Variants in RIMBP2 observed in about 807,000 individuals in gnomAD.
RIMBP2 encodes RIMS binding protein 2.
In RIMBP2, 48 loss-of-function variants were observed where a neutral mutation model predicts 118.6. The observed-to-expected ratio is 0.40, with a 90% CI of 0.32 to 0.51. RIMBP2 has a LOEUF of 0.51. RIMBP2 is among the 20% of genes least tolerant of loss of function. RIMBP2 has a pLI of 0.41. For missense variants in RIMBP2, 1,551 were observed against 1,768.3 expected, an observed-to-expected ratio of 0.88 and a Z score of 2.20; for synonymous variants, 762 against 742.9, an observed-to-expected ratio of 1.03 and a Z score of -0.42.
Position 130,587,837 on chromosome 12 carries a change from A to T in RIMBP2, c.-217+40485T>A, listed in dbSNP as rs868431797. ...TAAAACTTAAAGTATAATAAAAAAA[A>T]AAAAAGAAAAAAAAAAGAAGAGATG... On this transcript the variant is annotated intron_variant, in intron 2 of 22. Transcript: ENST00000690449. 3.9e-3 allele frequency among the ~76,000 whole-genome samples: 581 copies of T among 150,740 alleles called. 6 individuals carry two copies. The highest frequency in any genetic ancestry group is 0.013 in the African/African-American group (548 of 40,964).
rs1445379075 is a variant in RIMBP2, at chr12:130,544,663, G to C, written c.-216-26746C>G. 3.6e-5 allele frequency among the ~76,000 whole-genome samples: 5 copies of C among 138,288 alleles called. No individual in the cohort carries two copies. The East Asian group carries it at 1.1e-3, about 30-fold the overall frequency. 90.7% of individuals were successfully genotyped at this position (138,288 alleles called of 152,430 possible). ...TGCTCAGGCTGGAGTGCAGTGGCGT[G>C]ATTTCAGCTCACTGCAACCTTTGTC... On this transcript the variant is annotated intron_variant, in intron 2 of 22. Coordinates refer to ENST00000690449, the MANE Select transcript of RIMBP2 (RefSeq NM_001393629.1).
At chr12:130,445,375 G>T in intron 9 of RIMBP2, 106 bp from the exon 10 acceptor site, 1 of 703,454 alleles carries the variant, frequency 1.4e-6, no homozygotes, top group East Asian at 2.7e-5. Flanking sequence ...CCCACTCCTA[G>T]GGAATTACAA....
chr12:130,482,857 A>G (rs1275755429), intron 4 of RIMBP2, among the ~76,000 whole-genome samples: 41 of 118,624 alleles, frequency 3.5e-4, no homozygotes, highest in African/African-American at 4.9e-4. Context: ...ACCTCATCCA[A>G]ATACACCCAT....
At chr12:130,536,824 G>GTC (rs2054128089) in intron 2 of RIMBP2, among the ~76,000 whole-genome samples, 1 of 152,210 alleles carries the variant, frequency 6.6e-6, no homozygotes, top group South Asian at 2.1e-4. Flanking sequence ...TTCACCAGGT[G>GTC]ACCGTGGTTG....
chr12:130,567,743 A>G (rs1026541825), intron 2 of RIMBP2, among the ~76,000 whole-genome samples: 1 of 152,140 alleles, frequency 6.6e-6, no homozygotes, highest in African/African-American at 2.4e-5. Flanking sequence ...CCCTGCCTCT[A>G]AGTCTTAATC....
intron 1 of RIMBP2, among the ~76,000 whole-genome samples, chr12:130,713,694 G>A (rs1950128345): frequency 6.6e-6 from 1 of 152,194 alleles, no homozygotes; most frequent in Non-Finnish European, 1.5e-5. Context: ...CAGCCGGCAA[G>A]TCTCCGCCCA....
At chr12:130,488,310 T>G in intron 4 of RIMBP2, among the ~76,000 whole-genome samples, 1 of 91,730 alleles carries the variant, frequency 1.1e-5, no homozygotes, top group Non-Finnish European at 2.2e-5. Context: ...GAGGGTAGAG[T>G]GAAGTGGATG....
intron 6 of RIMBP2, among the ~76,000 whole-genome samples, chr12:130,462,767 G>A (rs1217160289): frequency 1.3e-5 from 2 of 152,220 alleles, no homozygotes; most frequent in Admixed American, 1.3e-4. Flanking sequence ...GCACCACGTG[G>A]AGCTCACAGA....
At chr12:130,701,519 G>A (rs1015144768) in intron 1 of RIMBP2, among the ~76,000 whole-genome samples, 9 of 152,086 alleles carry the variant, frequency 5.9e-5, no homozygotes, top group African/African-American at 9.7e-5. Context: ...CAGGGGAGCC[G>A]GGCACAGGAA....
intron 2 of RIMBP2, among the ~76,000 whole-genome samples, chr12:130,560,389 G>C (rs2056723907): frequency 6.6e-6 from 1 of 152,128 alleles, no homozygotes; most frequent in Non-Finnish European, 1.5e-5. Context: ...ATTCTTTGCT[G>C]TGGGGCTGTC....
Position 130,424,146 on chromosome 12 carries a change from G to C in RIMBP2, c.3125C>G (p.Pro1042Arg). ...AAGGAAGTTTAGGTCACACACCAGG[G>C]GGCCTTGTGCGACTCTGGGAGGTGG... ...AKPPPRVAQG[P>R]LILGNPASAG... Residue 1042 changes from proline (P) to arginine (R), a missense_variant, in exon 16 of 23, where the codon CCC becomes CGC. Physicochemically the swap from Pro to Arg is moderately radical, Grantham distance 103. Around this residue, in one of 5 missense-constraint regions of RIMBP2, gnomAD observed 1,038 missense variants for 1,125.1 expected, o/e 0.92. Coordinates refer to ENST00000690449, the MANE Select transcript of RIMBP2 (RefSeq NM_001393629.1). This position sits in a 1 kb window ranked among gnomAD's most constrained non-coding sequence, Gnocchi z 9.8. The C allele has an allele frequency of 8.1e-7, 1 of 1,229,318 alleles. No individual in the cohort carries two copies. The highest frequency in any genetic ancestry group is 1.0e-6 in the Non-Finnish European group (1 of 985,400). The allele number at this position is 1,229,318 out of a possible 1,614,324, so 76.2% of individuals were successfully genotyped here.
chr12:130,516,826 C>T (rs2051514465), intron 3 of RIMBP2, among the ~76,000 whole-genome samples: 1 of 152,080 alleles, frequency 6.6e-6, no homozygotes, highest in African/African-American at 2.4e-5. Context: ...ATTGCATGAT[C>T]CAGAGGGCAT....
In RIMBP2 at chr12:130,581,117, G is replaced by A. The variant is rs1230404834; in HGVS notation, c.-217+47205C>T. On this transcript the variant is annotated intron_variant, in intron 2 of 22. Coordinates refer to ENST00000690449, the MANE Select transcript of RIMBP2 (RefSeq NM_001393629.1). The surrounding 1 kb of genome is among the most constrained non-coding windows in gnomAD (Gnocchi z 4.4). ...CTCATATTCATGGGCCAGGCACTGGGGGTGATGGTTTCCAAGACAGGCAGG... is the reference window on the plus strand; with the variant it reads ...CTCATATTCATGGGCCAGGCACTGGAGGTGATGGTTTCCAAGACAGGCAGG... Among the ~76,000 whole-genome samples the A allele has an allele frequency of 6.6e-6, 1 of 152,166 alleles. No homozygotes were observed.
At chr12:130,562,821 T>TA (rs2056921438) in intron 2 of RIMBP2, among the ~76,000 whole-genome samples, 1 of 152,236 alleles carries the variant, frequency 6.6e-6, no homozygotes, top group African/African-American at 2.4e-5. Flanking sequence ...CTCAATTCTG[T>TA]AAGAGTGGTC....
intron 11 of RIMBP2, among the ~76,000 whole-genome samples, chr12:130,440,186 G>T (rs1296913005): frequency 7.6e-6 from 1 of 132,100 alleles, no homozygotes; most frequent in East Asian, 2.3e-4. Context: ...CCGTCCCCGG[G>T]CATGGCTAAC....
intron 14 of RIMBP2, chr12:130,428,934 A>C (rs1744809888): frequency 6.6e-6 from 1 of 152,274 alleles, no homozygotes; most frequent in South Asian, 2.1e-4. Flanking sequence ...CATCTCTACT[A>C]AAAATGCAAA....
chr12:130,411,156 C>G (rs1464994259), intron 19 of RIMBP2, among the ~76,000 whole-genome samples: 2 of 152,182 alleles, frequency 1.3e-5, no homozygotes, highest in Non-Finnish European at 1.5e-5. Flanking sequence ...TTTCATTGCT[C>G]ACATATGGAA....
intron 2 of RIMBP2, among the ~76,000 whole-genome samples, chr12:130,591,554 TG>T (rs752436440): frequency 9.4e-5 from 14 of 148,172 alleles, no homozygotes; most frequent in Non-Finnish European, 1.8e-4. Flanking sequence ...TCATCAGGGC[TG>T]GGCTCCCTTG....
At chr12:130,676,787 C>T (rs2064507807) in intron 1 of RIMBP2, among the ~76,000 whole-genome samples, 1 of 152,150 alleles carries the variant, frequency 6.6e-6, no homozygotes. Context: ...AGGCTTCCTG[C>T]CGATCCCACG....
Sources: allele counts gnomAD v4.1 joint callset (sites outside exome capture counted in the v4.1 genomes callset), GRCh38; gene constraint gnomAD v4.1.1; regional missense constraint gnomAD v4.1.1; non-coding constraint Gnocchi (gnomAD v3.1); transcripts MANE v1.5; gene names NCBI Gene and HGNC (gene_info 2026-07-23, HGNC 2026-07-21).